The following FLRT2 variants were observed in gnomAD, a reference collection of about 807,000 sequenced individuals.
The protein encoded by FLRT2 is leucine-rich repeat transmembrane protein FLRT2.
Under a neutral mutation model 40.0 loss-of-function variants are expected in FLRT2, and 15 were observed. The observed-to-expected ratio is 0.38, with a 90% CI of 0.25 to 0.58. The LOEUF is 0.58. Ranked by LOEUF, FLRT2 falls within the 20% of genes least tolerant of loss-of-function variation. The probability of loss-of-function intolerance (pLI) is 0.71; values close to 1 mark genes in which losing one functional copy is unlikely to be tolerated. For missense variants in FLRT2, 726 were observed against 840.0 expected (o/e 0.86, Z 1.68); for synonymous variants, 380 against 336.8 (o/e 1.13, Z -1.41).
At chr14:85,556,068 C>G (rs922380545) in intron 1 of FLRT2, among the ~76,000 whole-genome samples, 2 of 152,118 alleles carry the variant, frequency 1.3e-5, no homozygotes, top group Non-Finnish European at 2.9e-5. Context: ...AAATCCTATC[C>G]CATGAATACA....
chr14:85,535,921 TGTTG>T (rs1464120423), intron 1 of FLRT2, among the ~76,000 whole-genome samples: 627 of 62,568 alleles, frequency 0.01, 3 homozygotes, highest in African/African-American at 0.023. Flanking sequence ...TTTTTTTTTT[TGTTG>T]TTGTTGTTGT....
intron 1 of FLRT2, chr14:85,551,754 G>T (rs961901041): frequency 6.6e-6 from 1 of 152,078 alleles, no homozygotes; most frequent in Non-Finnish European, 1.5e-5. Flanking sequence ...AGTGAGAAAA[G>T]GTAGCCATGT....
intron 1 of FLRT2, among the ~76,000 whole-genome samples, chr14:85,569,718 T>C (rs1198433714): frequency 6.6e-6 from 1 of 152,208 alleles, no homozygotes; most frequent in African/African-American, 2.4e-5. Flanking sequence ...AAAAAATACA[T>C]TTATCTTGCT....
intron 1 of FLRT2, among the ~76,000 whole-genome samples, chr14:85,565,815 G>A (rs2139852503): frequency 6.6e-6 from 1 of 152,254 alleles, no homozygotes. Context: ...TTGAATCCAT[G>A]GGGCCTTGGA....
intron 1 of FLRT2, among the ~76,000 whole-genome samples, chr14:85,585,500 G>A (rs767014048): frequency 6.6e-6 from 1 of 152,118 alleles, no homozygotes; most frequent in Non-Finnish European, 1.5e-5. Context: ...TGTAAGGTAA[G>A]TATATTGTTG....
chr14:85,539,554 A>G (rs1484247021), intron 1 of FLRT2, among the ~76,000 whole-genome samples: 1 of 152,072 alleles, frequency 6.6e-6, no homozygotes, highest in Non-Finnish European at 1.5e-5. Flanking sequence ...GGGGGAAGGA[A>G]AAGAAAACCT....
chr14:85,595,117 G>A (rs1892076581), intron 1 of FLRT2, among the ~76,000 whole-genome samples: 1 of 152,112 alleles, frequency 6.6e-6, no homozygotes, highest in Admixed American at 6.6e-5. Context: ...GAAGGGTGAA[G>A]GGGAAGCAAG....
rs1894433112 is a variant in FLRT2 at position 85,651,524 on chromosome 14, ACT to A, written c.*28030_*28031del. 1 of 151,752 alleles carries A rather than the reference ACT, an allele frequency of 6.6e-6. No individual in the cohort carries two copies. Among genetic ancestry groups the A allele is most frequent in the South Asian group, 2.1e-4 (1 of 4,808 alleles). 9.4% of individuals were successfully genotyped at this position (151,752 alleles called of 1,614,324 possible). ...TATTTCAATAATATCTTATACTATG[ACT>A]CTATATTATTAATTGGGAAGATTTT... On this transcript the variant is annotated 3_prime_UTR_variant, in exon 2 of 2. Transcript: ENST00000330753.
At chr14:85,540,172 A>G (rs1888904848) in intron 1 of FLRT2, among the ~76,000 whole-genome samples, 1 of 152,206 alleles carries the variant, frequency 6.6e-6, no homozygotes, top group South Asian at 2.1e-4. Flanking sequence ...ACACACACCA[A>G]TAGAAATACA....
At chr14:85,547,034 C>T (rs1889316926) in intron 1 of FLRT2, among the ~76,000 whole-genome samples, 1 of 151,966 alleles carries the variant, frequency 6.6e-6, no homozygotes, top group Non-Finnish European at 1.5e-5. Flanking sequence ...TGTAATTAAG[C>T]CCATATTTCT....
In FLRT2 at chr14:85,648,890, G is replaced by A. The variant is rs1216517027; in HGVS notation, c.*25393G>A. On this transcript the variant is annotated 3_prime_UTR_variant, in exon 2 of 2. Transcript: ENST00000330753. ...TTAACACAATGCTTGGCACATAAGA[G>A]GAATTAAATAACATTTTTCTGAATG... is the stretch of plus-strand genomic sequence containing the variant. The A allele has an allele frequency of 6.6e-6, 1 of 152,012 alleles. No homozygotes were observed. Among genetic ancestry groups the A allele is most frequent in the Non-Finnish European group, 1.5e-5 (1 of 67,988 alleles). The allele number at this position is 152,012 out of a possible 1,614,324, so 9.4% of individuals were successfully genotyped here. A position where few individuals can be genotyped will look rare whatever the true frequency, so the allele number is the denominator to read the frequency against.
Position 85,596,133 on chromosome 14 carries a change from G to A in FLRT2, c.-376-25006G>A, listed in dbSNP as rs1037078921. 5.9e-5 allele frequency among the ~76,000 whole-genome samples: 9 copies of A among 152,156 alleles called. 1 individual carries two copies. The highest frequency in any genetic ancestry group is 2.2e-4 in the African/African-American group (9 of 41,432). ...TAGTGATGCCCAAAAAACAAACAATGACTCCCTGCATAGGGCAAGGAGGCT... is the reference window on the plus strand; with the variant it reads ...TAGTGATGCCCAAAAAACAAACAATAACTCCCTGCATAGGGCAAGGAGGCT... On this transcript the variant is annotated intron_variant, in intron 1 of 1. Transcript: ENST00000330753.
At position 85,652,518 on chromosome 14, in the gene FLRT2, C is replaced by T. The variant is rs1165181526; in HGVS notation, c.*29021C>T. ...TTATAACGTTCTTCATCTGATTAAA[C>T]AAACAAAAAACCCATCTTTATTTTT... On this transcript the variant is annotated 3_prime_UTR_variant, in exon 2 of 2. Transcript: ENST00000330753. 6.9e-6 allele frequency: 1 copy of T among 145,672 alleles called. No individual in the cohort carries two copies. Among genetic ancestry groups the T allele is most frequent in the Non-Finnish European group, 1.5e-5 (1 of 66,748 alleles). 9.0% of individuals were successfully genotyped at this position (145,672 alleles called of 1,614,324 possible). A position where few individuals can be genotyped will look rare whatever the true frequency, so the allele number is the denominator to read the frequency against.
rs113237902 is a variant in FLRT2, at chr14:85,599,003, C to T, written c.-376-22136C>T. ...CACAGTCTTGGCTCACTGCAAGCTC[C>T]GCCTCCTGGATTCAACCCATTGTCC... On this transcript the variant is annotated intron_variant, in intron 1 of 1. Coordinates refer to ENST00000330753, the MANE Select transcript of FLRT2 (RefSeq NM_013231.6). 8.0e-3 allele frequency among the ~76,000 whole-genome samples: 1,198 copies of T among 149,772 alleles called. 9 individuals are homozygous for T. The highest frequency in any genetic ancestry group is 0.028 in the African/African-American group (1,134 of 40,832).
intron 1 of FLRT2, among the ~76,000 whole-genome samples, chr14:85,580,938 C>T (rs1264335191): frequency 2.0e-5 from 3 of 152,054 alleles, no homozygotes; most frequent in Non-Finnish European, 4.4e-5. Flanking sequence ...AAAATAGTGG[C>T]GTTCTGGCTA....
At chr14:85,552,324 C>A (rs1889679376) in intron 1 of FLRT2, among the ~76,000 whole-genome samples, 1 of 152,172 alleles carries the variant, frequency 6.6e-6, no homozygotes, top group African/African-American at 2.4e-5. Context: ...ATATAATCCT[C>A]ACTTTTCTCA....
rs1239064527 is a variant in FLRT2, at chr14:85,643,966, A to G, written c.*20469A>G. On this transcript the variant is annotated 3_prime_UTR_variant, in exon 2 of 2. Coordinates refer to ENST00000330753, the MANE Select transcript of FLRT2 (RefSeq NM_013231.6). ...ATTGCTCATTATAGCTTCATGAATA[A>G]TATAGATGTTCAGCCAACTTAAGTT... 1 of 152,198 alleles carries G rather than the reference A, an allele frequency of 6.6e-6. No individual in the cohort carries two copies. Among genetic ancestry groups the G allele is most frequent in the East Asian group, 1.9e-4 (1 of 5,190 alleles). The allele number at this position is 152,198 out of a possible 1,614,324, so 9.4% of individuals were successfully genotyped here.
intron 1 of FLRT2, among the ~76,000 whole-genome samples, chr14:85,592,397 T>C (rs1891931086): frequency 6.6e-6 from 1 of 152,068 alleles, no homozygotes; most frequent in Admixed American, 6.6e-5. Flanking sequence ...TAGATAGAAC[T>C]GATAGACCAT....
At position 85,631,634 on chromosome 14, in the gene FLRT2, G is replaced by GAAAA. The variant is rs1893875937; in HGVS notation, c.*8139_*8140insAAAA. On this transcript the variant is annotated 3_prime_UTR_variant, in exon 2 of 2. Transcript: ENST00000330753. ...AAAGACCACAGTATGCGTTTTACAA[G>GAAAA]AACAAACAAACATATATATTTTCCT... 1 of 151,994 alleles carries GAAAA rather than the reference G, an allele frequency of 6.6e-6. No individual in the cohort carries two copies. Among genetic ancestry groups the GAAAA allele is most frequent in the African/African-American group, 2.4e-5 (1 of 41,374 alleles). The allele number at this position is 151,994 out of a possible 1,614,324, so 9.4% of individuals were successfully genotyped here.
Sources: allele counts gnomAD v4.1 joint callset (sites outside exome capture counted in the v4.1 genomes callset), GRCh38; gene constraint gnomAD v4.1.1; transcripts MANE v1.5; gene names NCBI Gene and HGNC (gene_info 2026-07-23, HGNC 2026-07-21).